The following TYW1 variants were observed in gnomAD, a reference collection of about 807,000 sequenced individuals.
TYW1 encodes the protein S-adenosyl-L-methionine-dependent tRNA 4-demethylwyosine synthase TYW1.
A neutral mutation model predicts 96.2 loss-of-function variants in TYW1; 46 were observed. The observed-to-expected ratio is 0.48, with a 90% CI of 0.38 to 0.61. TYW1 has a LOEUF of 0.61. TYW1 is among the 20% of genes least tolerant of loss of function. TYW1 has a pLI of 0.00. For missense variants in TYW1, 684 were observed against 909.6 expected (o/e 0.75, Z 3.19); for synonymous variants, 274 against 323.0 (o/e 0.85, Z 1.63).
intron 15 of TYW1, among the ~76,000 whole-genome samples, chr7:67,220,840 C>T (rs753335324): frequency 2.0e-5 from 3 of 151,566 alleles, no homozygotes; most frequent in Non-Finnish European, 2.9e-5. Flanking sequence ...CAGGTTCAAG[C>T]GATTCTTCTG....
intron 15 of TYW1, among the ~76,000 whole-genome samples, chr7:67,223,340 T>C (rs532644184): frequency 9.9e-5 from 15 of 152,224 alleles, no homozygotes; most frequent in Non-Finnish European, 1.8e-4. Flanking sequence ...TTCTGGAGTT[T>C]TGTTTTGTTT....
intron 15 of TYW1, among the ~76,000 whole-genome samples, chr7:67,236,047 G>A (rs1339196524): frequency 6.6e-6 from 1 of 152,130 alleles, no homozygotes; most frequent in Non-Finnish European, 1.5e-5. Flanking sequence ...CCATTATAGT[G>A]TCTGCGGAAG....
chr7:67,111,918 G>A (rs1182464567), intron 12 of TYW1, among the ~76,000 whole-genome samples: 4 of 151,552 alleles, frequency 2.6e-5, no homozygotes, highest in Admixed American at 2.0e-4. Context: ...CCAACGTGGC[G>A]AAACGCTGTC....
At chr7:67,083,065 G>A (rs13307430) in intron 10 of TYW1, among the ~76,000 whole-genome samples, 3 of 152,106 alleles carry the variant, frequency 2.0e-5, no homozygotes, top group South Asian at 2.1e-4. Flanking sequence ...TCCAGCTGTC[G>A]TCACTCACTT....
intron 13 of TYW1, among the ~76,000 whole-genome samples, chr7:67,137,309 C>T (rs2116091718): frequency 6.6e-6 from 1 of 152,002 alleles, no homozygotes; most frequent in South Asian, 2.1e-4. Context: ...AAATCCCTTT[C>T]TAAGGACAAG....
intron 9 of TYW1, among the ~76,000 whole-genome samples, chr7:67,064,676 G>A (rs982176926): frequency 2.0e-5 from 3 of 152,186 alleles, no homozygotes; most frequent in African/African-American, 7.2e-5. Flanking sequence ...GTACAGGAAA[G>A]ACTGACCCCT....
intron 13 of TYW1, among the ~76,000 whole-genome samples, chr7:67,157,689 A>G (rs971415404): frequency 2.6e-5 from 4 of 152,206 alleles, no homozygotes; most frequent in Non-Finnish European, 5.9e-5. Context: ...TCAGGATAGC[A>G]CCTTACATTT....
chr7:67,087,979 T>C (rs1796601965), intron 11 of TYW1, among the ~76,000 whole-genome samples: 1 of 152,170 alleles, frequency 6.6e-6, no homozygotes, highest in African/African-American at 2.4e-5. Flanking sequence ...TCCTCCCACC[T>C]CAGCCTCCCA....
In TYW1 at chr7:67,040,342, G is replaced by C. The variant is rs188470609; in HGVS notation, c.985-9607G>C. Among the ~76,000 whole-genome samples, 590 of 152,020 alleles carry C rather than the reference G, an allele frequency of 3.9e-3. 3 individuals are homozygous for C. Among genetic ancestry groups the C allele is most frequent in the African/African-American group, 0.013 (546 of 41,474 alleles). ...CTGCTCTTATAATTAACACTGGTCT[G>C]AGACCTTTCTTACTTTTGAAAAATG... On this transcript the variant is annotated intron_variant, in intron 7 of 15. Coordinates refer to ENST00000359626, the MANE Select transcript of TYW1 (RefSeq NM_018264.4).
At chr7:67,215,786 G>T (rs139268991) in intron 15 of TYW1, among the ~76,000 whole-genome samples, 2 of 152,054 alleles carry the variant, frequency 1.3e-5, no homozygotes, top group Non-Finnish European at 2.9e-5. Flanking sequence ...TCCGATGTTC[G>T]AGGGCAGGAA....
At chr7:67,059,096 G>GT (rs557933957) in intron 9 of TYW1, among the ~76,000 whole-genome samples, 8,498 of 124,592 alleles carry the variant, frequency 0.068, 476 homozygotes, top group East Asian at 0.28. Context: ...TGAAGACAAA[G>GT]TTTTTTTTTT....
intron 13 of TYW1, among the ~76,000 whole-genome samples, chr7:67,172,185 T>C (rs4551224): frequency 0.28 from 42,571 of 151,666 alleles, 6,493 homozygotes; most frequent in African/African-American, 0.4. Flanking sequence ...AATTTTATTA[T>C]AAGTTTTCCA....
At chr7:67,117,062 G>C (rs1797618368) in intron 12 of TYW1, among the ~76,000 whole-genome samples, 1 of 152,168 alleles carries the variant, frequency 6.6e-6, no homozygotes, top group Middle Eastern at 3.2e-3. Flanking sequence ...TTCCGTCAGT[G>C]ATTGATGGAG....
At chr7:67,114,462 CAG>C (rs1797528003) in intron 12 of TYW1, 1 of 152,358 alleles carries the variant, frequency 6.6e-6, no homozygotes, top group Non-Finnish European at 1.5e-5. Context: ...ATTCTTCACT[CAG>C]AGATTTAAAA....
At chr7:67,083,584 G>C (rs1796449758) in intron 11 of TYW1, 45 bp downstream of exon 11, 2 of 1,586,450 alleles carry the variant, frequency 1.3e-6, no homozygotes, top group Non-Finnish European at 1.7e-6. Context: ...CCTGTTAATA[G>C]TCTGAATCAG....
chr7:67,220,618 A>G (rs1269381536), intron 15 of TYW1, among the ~76,000 whole-genome samples: 1 of 152,112 alleles, frequency 6.6e-6, no homozygotes, highest in African/African-American at 2.4e-5. Flanking sequence ...TTCCTGGAAA[A>G]TGTCCCATGT....
In TYW1 at chr7:67,012,215, G is replaced by T. The variant is rs145793717; in HGVS notation, c.376-2152G>T. ...AAAAATAGAAAAATTAGCCATGGTG[G>T]TGCGCGCCTGTAGTCCCAGCTACTT... On this transcript the variant is annotated intron_variant, in intron 4 of 15. Coordinates refer to ENST00000359626, the MANE Select transcript of TYW1 (RefSeq NM_018264.4). Among the ~76,000 whole-genome samples the T allele has an allele frequency of 6.1e-3, 920 of 152,042 alleles. 5 individuals are homozygous for T. Among genetic ancestry groups the T allele is most frequent in the Admixed American group, 0.015 (228 of 15,254 alleles).
intron 4 of TYW1, among the ~76,000 whole-genome samples, chr7:67,014,147 C>T (rs1387224075): frequency 6.6e-6 from 1 of 152,100 alleles, no homozygotes; most frequent in Non-Finnish European, 1.5e-5. Flanking sequence ...GTGAAATATA[C>T]CAGGAGGTAT....
intron 7 of TYW1, among the ~76,000 whole-genome samples, chr7:67,029,060 G>A (rs1362142587): frequency 7.3e-5 from 11 of 151,430 alleles, no homozygotes; most frequent in Admixed American, 1.3e-4. Context: ...GTGCAGTGGC[G>A]CAATCTCGGC....
Sources: allele counts gnomAD v4.1 joint callset (sites outside exome capture counted in the v4.1 genomes callset), GRCh38; gene constraint gnomAD v4.1.1; transcripts MANE v1.5; gene names NCBI Gene and HGNC (gene_info 2026-07-23, HGNC 2026-07-21).